HMGXB4: variants seen among roughly 807,000 people sequenced by gnomAD.
HMGXB4 encodes the protein HMG-box containing 4, also known as HMG domain-containing protein 4.
HMGXB4 carries 27 observed loss-of-function variants against 63.9 expected under a neutral mutation model. The observed-to-expected ratio is 0.42, with a 90% CI of 0.31 to 0.58. The LOEUF (loss-of-function observed/expected upper bound fraction) is 0.58, where lower values mean the gene tolerates loss of function less well. Among genes scored for constraint, HMGXB4 ranks in the 20% least tolerant of loss-of-function variants. The pLI, the probability that HMGXB4 is intolerant of heterozygous loss-of-function variation, is 0.13. For missense variants in HMGXB4, 624 were observed against 700.7 expected (o/e 0.89, Z 1.24); for synonymous variants, 264 against 265.3 (o/e 0.99, Z 0.05).
intron 5 of HMGXB4, among the ~76,000 whole-genome samples, chr22:35,268,840 C>T (rs1348677810): frequency 3.9e-5 from 6 of 152,136 alleles, no homozygotes; most frequent in African/African-American, 1.2e-4. Context: ...TACCTCTATT[C>T]CTTTGCTCAT....
intron 5 of HMGXB4, among the ~76,000 whole-genome samples, chr22:35,282,493 A>G (rs964205463): frequency 2.6e-5 from 4 of 152,230 alleles, no homozygotes; most frequent in African/African-American, 9.6e-5. Flanking sequence ...TGTAGGGCCA[A>G]AAAGGACTAG....
chr22:35,245,691 T>G, the HMGXB4 span, among the ~76,000 whole-genome samples: 1,231 of 152,290 alleles, frequency 8.1e-3, 10 homozygotes, highest in African/African-American at 0.028. Context: ...CTTTTTCTGA[T>G]ACCACTCTAG....
chr22:35,274,072 G>C (rs1371818248), intron 5 of HMGXB4, among the ~76,000 whole-genome samples: 1 of 152,208 alleles, frequency 6.6e-6, no homozygotes, highest in Non-Finnish European at 1.5e-5. Context: ...TACAGTGTCT[G>C]CTCTCAAAGA....
intron 10 of HMGXB4, among the ~76,000 whole-genome samples, 170 bp from the exon 11 acceptor site, chr22:35,293,437 A>G (rs1035641280): frequency 2.0e-5 from 3 of 152,188 alleles, no homozygotes; most frequent in African/African-American, 7.2e-5. Context: ...TTAATGGGAG[A>G]AGTCAGCAGA....
chr22:35,260,086 T>G (rs1922747574), intron 1 of HMGXB4, among the ~76,000 whole-genome samples: 1 of 152,238 alleles, frequency 6.6e-6, no homozygotes, highest in African/African-American at 2.4e-5. Flanking sequence ...CTGTTTTATG[T>G]TGATTTTGAT....
chr22:35,270,169 G>A (rs1303692815), intron 5 of HMGXB4, among the ~76,000 whole-genome samples: 1 of 152,166 alleles, frequency 6.6e-6, no homozygotes, highest in Non-Finnish European at 1.5e-5. Flanking sequence ...TGGCGGGCAA[G>A]CCATTGAAGC....
chr22:35,274,357 G>A (rs1209804225), intron 5 of HMGXB4, among the ~76,000 whole-genome samples: 1 of 152,254 alleles, frequency 6.6e-6, no homozygotes, highest in Non-Finnish European at 1.5e-5. Flanking sequence ...TATGACTGAA[G>A]CAAAGTCAGC....
Position 35,262,343 on chromosome 22 carries a change from A to G in HMGXB4, c.-48A>G. The G allele has an allele frequency of 6.3e-7, 1 of 1,593,954 alleles. No individual in the cohort carries two copies. Among genetic ancestry groups the G allele is most frequent in the Non-Finnish European group, 8.6e-7 (1 of 1,161,618 alleles). On this transcript the variant is annotated 5_prime_UTR_variant, in exon 2 of 11. Coordinates refer to ENST00000216106, the MANE Select transcript of HMGXB4 (RefSeq NM_001003681.3). ...CTCAGACCTGGTCCTGTAGACGGGA[A>G]GGAGCCTGGACACAGTGACACATTC... is the stretch of plus-strand genomic sequence containing the variant.
Position 35,277,006 on chromosome 22 carries a change from C to G in HMGXB4, c.1216-6956C>G, listed in dbSNP as rs116862301. ...ATAGAAAATAATTCATATTAGTTTT[C>G]TCTTGTGGCATAAAAAATTATCACA... On this transcript the variant is annotated intron_variant, in intron 5 of 10. Transcript: ENST00000216106. 9.1e-3 allele frequency among the ~76,000 whole-genome samples: 1,382 copies of G among 152,274 alleles called. 85 individuals are homozygous for G. The East Asian group carries it at 0.18, about 19-fold the overall frequency.
chr22:35,261,308 C>T (rs1198184368), intron 1 of HMGXB4, among the ~76,000 whole-genome samples: 2 of 151,792 alleles, frequency 1.3e-5, no homozygotes, highest in African/African-American at 2.4e-5. Flanking sequence ...CGGTGGCAGG[C>T]GCCTGTAATC....
intron 6 of HMGXB4, among the ~76,000 whole-genome samples, chr22:35,285,282 C>T (rs543459917): frequency 1.8e-4 from 28 of 152,156 alleles, no homozygotes; most frequent in Non-Finnish European, 3.4e-4. Flanking sequence ...TGGTGGCTCA[C>T]GCCTGTAATC....
upstream of HMGXB4, among the ~76,000 whole-genome samples, chr22:35,253,527 C>G (rs1922274835): frequency 6.6e-6 from 1 of 152,154 alleles, no homozygotes; most frequent in South Asian, 2.1e-4. Context: ...TTGTGGTATC[C>G]CAGGAACTAT....
rs778144838 is a variant in HMGXB4, at chr22:35,265,498, A to G, written c.1110A>G (p.Gly370=). 4 of 1,613,846 alleles carry G rather than the reference A, an allele frequency of 2.5e-6. No individual in the cohort carries two copies. The highest frequency in any genetic ancestry group is 2.7e-5 in the African/African-American group (2 of 74,990). ...SGPPPSIPYA[G]AAAPPLPLPG... ...CTCCTCCCAGCATCCCATACGCTGGAGCAGCAGCACCTCCCCTGCCACTTC... is the reference window on the plus strand; with the variant it reads ...CTCCTCCCAGCATCCCATACGCTGGGGCAGCAGCACCTCCCCTGCCACTTC... The change falls in exon 5 of 11, where the codon GGA becomes GGG. Residue 370 remains glycine (G), a synonymous_variant. Transcript: ENST00000216106.
chr22:35,277,264 C>T (rs751822846), intron 5 of HMGXB4, among the ~76,000 whole-genome samples: 2 of 152,272 alleles, frequency 1.3e-5, no homozygotes, highest in East Asian at 1.9e-4. Context: ...TCGAGACCAG[C>T]CAGAGACTGT....
intron 10 of HMGXB4, 61 bp downstream of exon 10, chr22:35,293,175 A>C: frequency 6.3e-7 from 1 of 1,591,720 alleles, no homozygotes; most frequent in Admixed American, 1.7e-5. Context: ...CCCTGCCTTA[A>C]TGAGCACTGT....
At chr22:35,282,276 A>C (rs978597398) in intron 5 of HMGXB4, among the ~76,000 whole-genome samples, 16 of 152,316 alleles carry the variant, frequency 1.1e-4, no homozygotes, top group South Asian at 2.1e-4. Context: ...TCCCGGGTTC[A>C]CACCATTCTC....
At chr22:35,255,731 T>A (rs1439579400), upstream of HMGXB4, among the ~76,000 whole-genome samples, 1 of 152,262 alleles carries the variant, frequency 6.6e-6, no homozygotes, top group East Asian at 1.9e-4. Flanking sequence ...AATTCCCCTC[T>A]TCTGGGGAAA....
intron 7 of HMGXB4, chr22:35,287,133 T>C (rs971109993): frequency 1.4e-5 from 7 of 497,916 alleles, no homozygotes; most frequent in Non-Finnish European, 2.2e-5. Flanking sequence ...ACCATTAGCA[T>C]TGAGGAATGT....
the HMGXB4 span, among the ~76,000 whole-genome samples, chr22:35,242,500 C>T: frequency 1.3e-5 from 2 of 151,922 alleles, no homozygotes; most frequent in Non-Finnish European, 2.9e-5. Context: ...GTAGTGATAT[C>T]TCCTGTTTCA....
Sources: allele counts gnomAD v4.1 joint callset (sites outside exome capture counted in the v4.1 genomes callset), GRCh38; gene constraint gnomAD v4.1.1; transcripts MANE v1.5; gene names NCBI Gene and HGNC (gene_info 2026-07-23, HGNC 2026-07-21).